The following MED13L variants were observed in gnomAD, a reference collection of about 807,000 sequenced individuals.
MED13L encodes the protein mediator of RNA polymerase II transcription subunit 13-like.
MED13L carries 7 observed loss-of-function variants against 220.9 expected under a neutral mutation model. The ratio of observed to expected loss-of-function variants is 0.03; its 90% CI spans 0.02 to 0.06. The LOEUF (loss-of-function observed/expected upper bound fraction) is 0.06. Among genes scored for constraint, MED13L ranks in the 10% least tolerant of loss-of-function variants. MED13L has a pLI of 1.00. For missense variants in MED13L, 1,965 were observed against 2,760.5 expected (o/e 0.71, Z 6.46); for synonymous variants, 1,011 against 1,015.2 (o/e 1.00, Z 0.08).
At chr12:116,088,636 G>C (rs1006003464) in intron 4 of MED13L, among the ~76,000 whole-genome samples, 1 of 151,178 alleles carries the variant, frequency 6.6e-6, no homozygotes, top group African/African-American at 2.4e-5. Context: ...AAGAAGTAAA[G>C]AAATTTCAGC....
Position 115,979,982 on chromosome 12 carries a change from G to A in MED13L, c.5364+768C>T, listed in dbSNP as rs115173088. ...AGTGAAAATGCATTCATTTATATAC[G>A]GAAGCACTGAGGCAAGGAAAGGAGA... On this transcript the variant is annotated intron_variant, in intron 23 of 30. Transcript: ENST00000281928. Among the ~76,000 whole-genome samples, 1,383 of 152,100 alleles carry A rather than the reference G, an allele frequency of 9.1e-3. 24 individuals carry two copies. The highest frequency in any genetic ancestry group is 0.032 in the African/African-American group (1,336 of 41,472).
At chr12:116,195,769 T>C (rs1018540538) in intron 2 of MED13L, among the ~76,000 whole-genome samples, 2 of 152,006 alleles carry the variant, frequency 1.3e-5, no homozygotes, top group Non-Finnish European at 2.9e-5. Flanking sequence ...GAGTAAAATT[T>C]CTTTTATAAA....
chr12:116,009,317 A>G (rs1403001453), intron 9 of MED13L, among the ~76,000 whole-genome samples, 185 bp from the exon 10 acceptor site: 1 of 152,192 alleles, frequency 6.6e-6, no homozygotes, highest in Non-Finnish European at 1.5e-5. Context: ...TCAATCACAT[A>G]CAAGTTAAGC....
intron 4 of MED13L, among the ~76,000 whole-genome samples, chr12:116,084,813 A>G (rs1175902091): frequency 6.6e-6 from 1 of 151,722 alleles, no homozygotes; most frequent in East Asian, 1.9e-4. Context: ...AGGTGTGGAG[A>G]TGACATGCTA....
intron 2 of MED13L, among the ~76,000 whole-genome samples, chr12:116,142,145 T>C (rs1045460441): frequency 2.0e-5 from 3 of 152,202 alleles, no homozygotes; most frequent in African/African-American, 7.2e-5. Context: ...CCTCCTTCAC[T>C]GCTTCATTTT....
At chr12:116,224,993 A>G (rs1868815680) in intron 2 of MED13L, among the ~76,000 whole-genome samples, 1 of 151,856 alleles carries the variant, frequency 6.6e-6, no homozygotes, top group Non-Finnish European at 1.5e-5. Flanking sequence ...CACCAAGCCC[A>G]ACACACCTTA....
chr12:116,203,331 TGTG>T (rs1412930988), intron 2 of MED13L, among the ~76,000 whole-genome samples: 1 of 152,182 alleles, frequency 6.6e-6, no homozygotes, highest in Non-Finnish European at 1.5e-5. Flanking sequence ...ATCATCACTT[TGTG>T]GTGGTGTTTA....
At chr12:116,073,345 T>C (rs910861444) in intron 4 of MED13L, among the ~76,000 whole-genome samples, 1 of 152,226 alleles carries the variant, frequency 6.6e-6, no homozygotes, top group Non-Finnish European at 1.5e-5. Flanking sequence ...GGAAGTCTAT[T>C]TGAGTTCCAA....
At chr12:116,107,257 C>T (rs1204078480) in intron 3 of MED13L, among the ~76,000 whole-genome samples, 1 of 152,200 alleles carries the variant, frequency 6.6e-6, no homozygotes, top group Non-Finnish European at 1.5e-5. Flanking sequence ...ATGGACAATG[C>T]TCTTGAGTAA....
intron 4 of MED13L, among the ~76,000 whole-genome samples, chr12:116,027,833 A>AT (rs1349396485): frequency 4.6e-5 from 7 of 152,358 alleles, no homozygotes; most frequent in Non-Finnish European, 7.3e-5. Flanking sequence ...ATCTCATCAG[A>AT]TAACTCCAAG....
At chr12:116,272,455 G>A (rs1276537377) in intron 1 of MED13L, among the ~76,000 whole-genome samples, 1 of 152,028 alleles carries the variant, frequency 6.6e-6, no homozygotes, top group African/African-American at 2.4e-5. Flanking sequence ...CCCAGCTCCT[G>A]GGAGGCTGAG....
At chr12:116,079,840 A>G (rs1871102645) in intron 4 of MED13L, among the ~76,000 whole-genome samples, 1 of 152,104 alleles carries the variant, frequency 6.6e-6, no homozygotes, top group Admixed American at 6.6e-5. Flanking sequence ...ATTGATAAGA[A>G]TCCACATAAA....
chr12:115,967,186 A>C (rs946510214), intron 28 of MED13L, among the ~76,000 whole-genome samples: 1 of 151,494 alleles, frequency 6.6e-6, no homozygotes, highest in Non-Finnish European at 1.5e-5. Flanking sequence ...AAAAAAAAAA[A>C]AAAAAAAAAA....
intron 4 of MED13L, among the ~76,000 whole-genome samples, chr12:116,081,117 C>T (rs1487881443): frequency 6.6e-6 from 1 of 152,104 alleles, no homozygotes; most frequent in African/African-American, 2.4e-5. Context: ...AAGAGAGAGC[C>T]CCTATTATGG....
At chr12:116,050,150 G>A (rs753056960) in intron 4 of MED13L, among the ~76,000 whole-genome samples, 1 of 152,086 alleles carries the variant, frequency 6.6e-6, no homozygotes. Context: ...TCTAGGGTGC[G>A]ACTCCATGGA....
At chr12:116,023,852 ATGCACATAATT>A (rs1880214188) in intron 4 of MED13L, among the ~76,000 whole-genome samples, 1 of 152,238 alleles carries the variant, frequency 6.6e-6, no homozygotes, top group Admixed American at 6.5e-5. Context: ...AAAAGCAAAA[ATGCACATAATT>A]TGAACATCTA....
intron 25 of MED13L, chr12:115,972,478 G>T (rs558140478): frequency 4.0e-6 from 2 of 499,020 alleles, no homozygotes; most frequent in Non-Finnish European, 7.3e-6. Flanking sequence ...AATGACCTTT[G>T]AGAGTCCAGC....
In MED13L at chr12:115,991,987, AG is replaced by A. The variant is rs745854703; in HGVS notation, c.2997-31del. On this transcript the variant is annotated intron_variant, in intron 16 of 30. Coordinates refer to ENST00000281928, the MANE Select transcript of MED13L (RefSeq NM_015335.5). The surrounding 1 kb of genome is among the most constrained non-coding windows in gnomAD (Gnocchi z 7.7). ...AAAAAGAGAAGGCACCAAGTGAGGA[AG>A]GGCAGCATGTCACAGATGCTGAACT... 139 of 1,568,312 alleles carry A rather than the reference AG, an allele frequency of 8.9e-5. No individual in the cohort carries two copies. The highest frequency in any genetic ancestry group is 1.2e-4 in the Non-Finnish European group (134 of 1,155,014).
At chr12:115,961,944 G>C (rs1875788085) in intron 30 of MED13L, among the ~76,000 whole-genome samples, 1 of 151,118 alleles carries the variant, frequency 6.6e-6, no homozygotes, top group South Asian at 2.1e-4. Flanking sequence ...CAGCCTGGGT[G>C]ACAGAGCAGG....
Sources: gnomAD v4.1 joint callset for allele counts (sites outside exome capture counted in the v4.1 genomes callset) on GRCh38, gnomAD v4.1.1 for gene constraint, Gnocchi (gnomAD v3.1) non-coding constraint, MANE v1.5 for transcripts, NCBI Gene and HGNC (gene_info 2026-07-23, HGNC 2026-07-21) for gene names.